Variants in DDAH1 observed in about 807,000 individuals in gnomAD.
DDAH1 encodes the protein N(G),N(G)-dimethylarginine dimethylaminohydrolase 1.
A neutral mutation model predicts 28.8 loss-of-function variants in DDAH1; 19 were observed. The ratio of observed to expected loss-of-function variants is 0.66; its 90% CI spans 0.46 to 0.97. The LOEUF (loss-of-function observed/expected upper bound fraction) is 0.97, where lower values mean the gene tolerates loss of function less well. Ranked by LOEUF, DDAH1 falls within the 50% of genes least tolerant of loss-of-function variation. DDAH1 has a pLI of 0.00. For missense variants in DDAH1, 326 were observed against 375.9 expected (o/e 0.87, Z 1.10); for synonymous variants, 153 against 154.4 (o/e 0.99, Z 0.07).
chr1:85,410,471 C>T (rs1652600032), intron 1 of DDAH1, among the ~76,000 whole-genome samples: 1 of 151,982 alleles, frequency 6.6e-6, no homozygotes, highest in South Asian at 2.1e-4. Flanking sequence ...GAAACCCCAT[C>T]TCTACTAAAA....
At chr1:85,326,135 T>G (rs771792909) in intron 4 of DDAH1, among the ~76,000 whole-genome samples, 1 of 152,220 alleles carries the variant, frequency 6.6e-6, no homozygotes, top group Non-Finnish European at 1.5e-5. Flanking sequence ...GAGTGGCACA[T>G]AGTAAGCCCT....
intron 1 of DDAH1, among the ~76,000 whole-genome samples, chr1:85,380,963 G>A (rs1311153223): frequency 1.5e-4 from 23 of 152,222 alleles, no homozygotes; most frequent in Non-Finnish European, 1.8e-4. Flanking sequence ...CTAGCCGGGC[G>A]TGGTGGCTCA....
At chr1:85,432,101 T>G (rs1653711971) in intron 1 of DDAH1, among the ~76,000 whole-genome samples, 1 of 152,230 alleles carries the variant, frequency 6.6e-6, no homozygotes, top group Admixed American at 6.5e-5. Context: ...GTGAAAGGGC[T>G]ATGTAGAATG....
rs145663304 is a variant in DDAH1, at chr1:85,486,865, T to A, written c.-7+9301A>T. Among the ~76,000 whole-genome samples the A allele has an allele frequency of 2.2e-4, 33 of 152,266 alleles. 1 individual carries two copies. Among genetic ancestry groups the A allele is most frequent in the African/African-American group, 6.5e-4 (27 of 41,552 alleles). On this transcript the variant is annotated intron_variant, in intron 2 of 6. Transcript: ENST00000426972. ...GGCAAAACAGCTCAAAATGAGCAGA[T>A]GTGGGTAGAGAGATAGGCTGAAGCC...
intron 1 of DDAH1, among the ~76,000 whole-genome samples, chr1:85,455,116 G>C (rs1452792215): frequency 6.6e-6 from 1 of 152,052 alleles, no homozygotes; most frequent in Non-Finnish European, 1.5e-5. Flanking sequence ...TAAAGTACTA[G>C]ATCTAAATCT....
At chr1:85,402,203 C>T (rs1032697603) in intron 1 of DDAH1, among the ~76,000 whole-genome samples, 3 of 46,588 alleles carry the variant, frequency 6.4e-5, no homozygotes, top group South Asian at 5.0e-4. Flanking sequence ...GGTCTCACTA[C>T]GTAGCCCAGG....
intron 5 of DDAH1, among the ~76,000 whole-genome samples, chr1:85,322,289 G>A (rs1661380929): frequency 6.6e-6 from 1 of 152,048 alleles, no homozygotes; most frequent in Non-Finnish European, 1.5e-5. Context: ...AACACTGCTG[G>A]AAAAATTTGA....
At chr1:85,503,570 CATCT>C (rs1557699764) in intron 1 of DDAH1, among the ~76,000 whole-genome samples, 1 of 110,372 alleles carries the variant, frequency 9.1e-6, no homozygotes, top group African/African-American at 3.4e-5. Context: ...TCTATCTATC[CATCT>C]ATCTATCCAT....
At chr1:85,354,027 G>GTCTC (rs1649367073) in intron 2 of DDAH1, among the ~76,000 whole-genome samples, 1 of 152,154 alleles carries the variant, frequency 6.6e-6, no homozygotes, top group South Asian at 2.1e-4. Context: ...TTGGACTTCT[G>GTCTC]TCTCTGGCAG....
chr1:85,473,419 T>C (rs1364774056), intron 2 of DDAH1, among the ~76,000 whole-genome samples: 2 of 152,150 alleles, frequency 1.3e-5, no homozygotes, highest in African/African-American at 2.4e-5. Flanking sequence ...TTCTAGGAAA[T>C]CTAAATGTAG....
At chr1:85,321,678 C>T (rs147484305) in intron 5 of DDAH1, 110 bp from the exon 6 acceptor site, 2 of 847,272 alleles carry the variant, frequency 2.4e-6, no homozygotes, top group Non-Finnish European at 3.9e-6. Flanking sequence ...CATTTAATCC[C>T]AAGACACACA....
intron 1 of DDAH1, among the ~76,000 whole-genome samples, chr1:85,456,788 C>T (rs1357175155): frequency 6.6e-6 from 1 of 152,126 alleles, no homozygotes. Flanking sequence ...CCTCATGTAA[C>T]AAATTATGGG....
intron 1 of DDAH1, among the ~76,000 whole-genome samples, chr1:85,534,607 C>T (rs1184997298): frequency 6.6e-6 from 1 of 152,070 alleles, no homozygotes; most frequent in Non-Finnish European, 1.5e-5. Flanking sequence ...TATGTACCTT[C>T]AGAAATTACT....
intron 1 of DDAH1, among the ~76,000 whole-genome samples, chr1:85,536,035 C>T (rs796325264): frequency 1.6e-4 from 24 of 151,930 alleles, no homozygotes; most frequent in African/African-American, 9.7e-5. Context: ...CTAAGTTGGG[C>T]GGATCACCTG....
intron 2 of DDAH1, among the ~76,000 whole-genome samples, chr1:85,478,873 T>C (rs941578854): frequency 6.6e-6 from 1 of 152,192 alleles, no homozygotes; most frequent in Non-Finnish European, 1.5e-5. Flanking sequence ...AATGGGTTGT[T>C]AATATTATGG....
intron 1 of DDAH1, among the ~76,000 whole-genome samples, chr1:85,419,108 A>G (rs1437625957): frequency 6.6e-6 from 1 of 152,168 alleles, no homozygotes; most frequent in Non-Finnish European, 1.5e-5. Context: ...GACAGATGTG[A>G]TTGCTTTTCC....
At chr1:85,355,770 A>C (rs1278403968) in intron 2 of DDAH1, among the ~76,000 whole-genome samples, 3 of 152,176 alleles carry the variant, frequency 2.0e-5, no homozygotes, top group South Asian at 4.1e-4. Flanking sequence ...TAGTAAAATT[A>C]ATACATACAT....
chr1:85,528,382 C>T (rs1190698841), intron 1 of DDAH1, among the ~76,000 whole-genome samples: 2 of 152,034 alleles, frequency 1.3e-5, no homozygotes, highest in African/African-American at 4.8e-5. Flanking sequence ...ACTGCTTTAC[C>T]AAGCCCTTTG....
chr1:85,549,490 C>G (rs1040886514), intron 1 of DDAH1, among the ~76,000 whole-genome samples: 2 of 152,198 alleles, frequency 1.3e-5, no homozygotes, highest in Non-Finnish European at 2.9e-5. Context: ...TAGATGTAGA[C>G]TTCTTGTGTT....
Sources: gnomAD v4.1 joint callset for allele counts (sites outside exome capture counted in the v4.1 genomes callset) on GRCh38, gnomAD v4.1.1 for gene constraint, MANE v1.5 for transcripts, NCBI Gene and HGNC (gene_info 2026-07-23, HGNC 2026-07-21) for gene names.